The following SLC9C1 variants were observed in gnomAD, a reference collection of about 807,000 sequenced individuals.
The protein encoded by SLC9C1 is solute carrier family 9 member C1.
In SLC9C1, 97 loss-of-function variants were observed where a neutral mutation model predicts 140.9. The observed-to-expected ratio is 0.69, with a 90% confidence interval of 0.58 to 0.82. SLC9C1 has a LOEUF of 0.82. Among genes scored for constraint, SLC9C1 ranks in the 40% least tolerant of loss-of-function variants. The pLI, the probability that SLC9C1 is intolerant of heterozygous loss-of-function variation, is 0.00. For synonymous variants in SLC9C1, 440 were observed against 442.6 expected, an observed-to-expected ratio of 0.99 and a Z score of 0.07; for missense variants, 1,340 against 1,389.3, an observed-to-expected ratio of 0.96 and a Z score of 0.56.
chr3:112,203,476 A>G (rs933450803), intron 17 of SLC9C1, among the ~76,000 whole-genome samples: 1 of 152,048 alleles, frequency 6.6e-6, no homozygotes, highest in Non-Finnish European at 1.5e-5. Context: ...TCAGTAGCAA[A>G]AATGTTTTAA....
chr3:112,284,219 G>T (rs995954707), intron 2 of SLC9C1, among the ~76,000 whole-genome samples: 2 of 152,178 alleles, frequency 1.3e-5, no homozygotes, highest in African/African-American at 2.4e-5. Context: ...AGGTAAAGTT[G>T]CTTCAACATC....
chr3:112,234,300 A>C (rs1474711257), intron 12 of SLC9C1, among the ~76,000 whole-genome samples: 3 of 152,150 alleles, frequency 2.0e-5, no homozygotes, highest in Non-Finnish European at 4.4e-5. Context: ...GTGTCTGTTC[A>C]TATCATTTGC....
chr3:112,142,015 C>T (rs1475341312), intron 28 of SLC9C1, among the ~76,000 whole-genome samples: 4 of 152,240 alleles, frequency 2.6e-5, no homozygotes, highest in Non-Finnish European at 4.4e-5. Context: ...TGGGCTCTTT[C>T]GTCATTAGAA....
In SLC9C1 at chr3:112,204,349, C is replaced by G. The variant is rs2077986749; in HGVS notation, c.2041G>C (p.Ala681Pro). Residue 681 changes from alanine to proline, a missense_variant, in exon 17 of 29, where the codon GCA becomes CCA. Physicochemically the swap from Ala to Pro is conservative, Grantham distance 27. Coordinates refer to ENST00000305815, the MANE Select transcript of SLC9C1 (RefSeq NM_183061.3). Reference protein sequence around the residue: ...FSHAWNIFELAITLIGILHVI... With the variant: ...FSHAWNIFELPITLIGILHVI... ...TGTAAGATGCCAATTAATGTAATTG[C>G]TAACTCGAATATGTTCCAGGCATGT... 2.5e-6 allele frequency: 4 copies of G among 1,573,178 alleles called. No homozygotes were observed. Among genetic ancestry groups the G allele is most frequent in the Non-Finnish European group, 3.4e-6 (4 of 1,165,938 alleles).
chr3:112,215,465 G>A (rs6808216), intron 15 of SLC9C1, among the ~76,000 whole-genome samples: 69,038 of 151,714 alleles, frequency 0.46, 16,183 homozygotes, highest in East Asian at 0.63. Context: ...AAACCCCATC[G>A]TCTCAGCCCA....
At chr3:112,290,602 T>C (rs1225034386) in intron 1 of SLC9C1, among the ~76,000 whole-genome samples, 1 of 152,024 alleles carries the variant, frequency 6.6e-6, no homozygotes. Context: ...GTCCTGAATA[T>C]GTTTGTTAAT....
intron 28 of SLC9C1, among the ~76,000 whole-genome samples, chr3:112,149,580 G>GATCT (rs2074900830): frequency 6.6e-6 from 1 of 152,110 alleles, no homozygotes; most frequent in Non-Finnish European, 1.5e-5. Flanking sequence ...AGCAGAGAGA[G>GATCT]CCCTGCTGCA....
intron 12 of SLC9C1, among the ~76,000 whole-genome samples, chr3:112,238,840 G>A (rs1017816910): frequency 7.2e-5 from 11 of 152,178 alleles, no homozygotes; most frequent in African/African-American, 1.9e-4. Context: ...AGGGGTACCC[G>A]GCCATGTGAG....
intron 26 of SLC9C1, among the ~76,000 whole-genome samples, chr3:112,156,117 T>G (rs868780990): frequency 6.6e-6 from 1 of 152,288 alleles, no homozygotes; most frequent in Middle Eastern, 3.4e-3. Flanking sequence ...AACTGTATTT[T>G]TGTGTACCCC....
intron 6 of SLC9C1, among the ~76,000 whole-genome samples, chr3:112,274,401 A>G (rs1231676057): frequency 6.6e-6 from 1 of 152,156 alleles, no homozygotes; most frequent in East Asian, 1.9e-4. Flanking sequence ...GAAACAGCTC[A>G]TGGGCACTTT....
chr3:112,155,108 A>G (rs1165352214), intron 26 of SLC9C1, 59 bp from the exon 27 acceptor site: 10 of 1,432,482 alleles, frequency 7.0e-6, no homozygotes, highest in South Asian at 3.6e-5. Context: ...GACTATTTCT[A>G]TTAGTCCAAC....
chr3:112,235,986 A>T (rs1453217225), intron 12 of SLC9C1, among the ~76,000 whole-genome samples: 1 of 152,126 alleles, frequency 6.6e-6, no homozygotes, highest in African/African-American at 2.4e-5. Flanking sequence ...GGCCTCATAA[A>T]ATGAGTTAGG....
intron 20 of SLC9C1, chr3:112,185,350 T>A (rs1395280326): frequency 2.0e-5 from 13 of 652,082 alleles, no homozygotes; most frequent in Middle Eastern, 4.2e-4. Context: ...AAAAAAAAAA[T>A]AATAAAAGGT....
chr3:112,233,074 T>TA lies in SLC9C1; in HGVS notation c.1447-1589_1447-1588insT, dbSNP rs60472772. 1.8e-3 allele frequency among the ~76,000 whole-genome samples: 221 copies of TA among 125,944 alleles called. 1 individual carries two copies. The highest frequency in any genetic ancestry group is 6.4e-3 in the African/African-American group (210 of 32,904). 82.6% of individuals were successfully genotyped at this position (125,944 alleles called of 152,430 possible). A position where few individuals can be genotyped will look rare whatever the true frequency, so the allele number is the denominator to read the frequency against. On this transcript the variant is annotated intron_variant, in intron 12 of 28. Transcript: ENST00000305815. ...ACATATATATATATATATATTATAT[T>TA]TTTTTTTTTTTTAAGAAAGGGTATC...
chr3:112,173,202 A>T (rs1444578161), intron 23 of SLC9C1, among the ~76,000 whole-genome samples: 1 of 152,226 alleles, frequency 6.6e-6, no homozygotes, highest in Non-Finnish European at 1.5e-5. Context: ...AAGGACACAA[A>T]TTCCAAAAAT....
chr3:112,242,492 T>G (rs984841053), intron 11 of SLC9C1, among the ~76,000 whole-genome samples: 1 of 152,010 alleles, frequency 6.6e-6, no homozygotes, highest in East Asian at 1.9e-4. Flanking sequence ...ATTAAACTTA[T>G]GGAGATAGAG....
intron 6 of SLC9C1, among the ~76,000 whole-genome samples, chr3:112,272,040 C>A (rs1016006433): frequency 6.6e-6 from 1 of 152,046 alleles, no homozygotes; most frequent in African/African-American, 2.4e-5. Context: ...GATGCCCTTC[C>A]CAGGAAAACA....
intron 22 of SLC9C1, among the ~76,000 whole-genome samples, chr3:112,180,015 AT>A (rs2077408768): frequency 6.6e-6 from 1 of 152,200 alleles, no homozygotes; most frequent in African/African-American, 2.4e-5. Flanking sequence ...ATCGTGAAAG[AT>A]AATTCTTTTG....
chr3:112,264,262 C>A lies in SLC9C1; in HGVS notation c.960G>T (p.Leu320Phe). The part of the protein sequence containing the change: ...FGLLIPAHTY[L>F]YIEFVDIYYS... ...AGTATATATCAACAAATTCTATATA[C>A]AAATATGTATGTGCAGGAATTAGAA... Residue 320 changes from leucine to phenylalanine, a missense_variant, in exon 9 of 29, where the codon TTG (leucine) becomes TTT (phenylalanine). Leu to Phe is a conservative substitution (Grantham distance 22). Transcript: ENST00000305815. 7.1e-7 allele frequency: 1 copy of A among 1,415,120 alleles called. No homozygotes were observed. The allele number at this position is 1,415,120 out of a possible 1,614,324, so 87.7% of individuals were successfully genotyped here.
Sources: allele counts gnomAD v4.1 joint callset (sites outside exome capture counted in the v4.1 genomes callset), GRCh38; gene constraint gnomAD v4.1.1; transcripts MANE v1.5; gene names NCBI Gene and HGNC (gene_info 2026-07-23, HGNC 2026-07-21).